Variants in RMND1 observed in about 807,000 individuals in gnomAD.
RMND1 encodes required for meiotic nuclear division protein 1 homolog.
In RMND1, 41 loss-of-function variants were observed where a neutral mutation model predicts 54.0. That is an observed-to-expected ratio of 0.76 (90% CI 0.59 to 0.98). RMND1 has a LOEUF of 0.98. Among genes scored for constraint, RMND1 ranks in the 50% least tolerant of loss-of-function variants. The pLI is 0.00. For synonymous variants in RMND1, 183 were observed against 181.7 expected, an observed-to-expected ratio of 1.01 and a Z score of -0.06; for missense variants, 457 against 532.0, an observed-to-expected ratio of 0.86 and a Z score of 1.39.
chr6:151,432,638 C>T (rs1344445277), intron 4 of RMND1, among the ~76,000 whole-genome samples: 1 of 152,110 alleles, frequency 6.6e-6, no homozygotes, highest in Non-Finnish European at 1.5e-5. Context: ...CATTCCCAGG[C>T]AGCTACTGTG....
At chr6:151,432,859 G>A (rs771449063) in intron 4 of RMND1, among the ~76,000 whole-genome samples, 8 of 152,024 alleles carry the variant, frequency 5.3e-5, no homozygotes, top group Non-Finnish European at 1.2e-4. Context: ...AAGATGAATG[G>A]GAAATTGGCT....
chr6:151,432,073 T>A (rs1780464123), intron 4 of RMND1, among the ~76,000 whole-genome samples: 1 of 152,004 alleles, frequency 6.6e-6, no homozygotes, highest in South Asian at 2.1e-4. Context: ...GTAGCTGGGA[T>A]TACAGGCACC....
intron 2 of RMND1, among the ~76,000 whole-genome samples, chr6:151,442,010 A>G (rs1023792331): frequency 2.0e-5 from 3 of 152,202 alleles, no homozygotes; most frequent in East Asian, 1.9e-4. Context: ...ATTGAACTGA[A>G]TTGCAGGACA....
intron 1 of RMND1, among the ~76,000 whole-genome samples, chr6:151,450,708 C>T (rs1781144208): frequency 2.0e-5 from 3 of 151,828 alleles, no homozygotes. Context: ...GTGTACTCAA[C>T]AGCTCATTGA....
At chr6:151,419,718 A>T (rs1006993901) in intron 9 of RMND1, among the ~76,000 whole-genome samples, 26 of 147,840 alleles carry the variant, frequency 1.8e-4, no homozygotes, top group Non-Finnish European at 3.2e-4. Context: ...GTTCACGATT[A>T]AAAAAAAAAG....
At position 151,422,583 on chromosome 6, in the gene RMND1, T is replaced by C. The variant is rs754555697; in HGVS notation, c.960A>G (p.Ala320=). The change falls in exon 8 of 12, where the codon GCA becomes GCG. Residue 320 remains alanine (A), a synonymous_variant. Coordinates refer to ENST00000444024, the MANE Select transcript of RMND1 (RefSeq NM_017909.4). ...TAGATTCAATAAATTTATCCAGTGA[T>C]GCTTCCCAAATTGCCAGTTTTACTG... ...CLSVKLAIWE[A]SLDKFIESIQ... 1 of 1,542,734 alleles carries C rather than the reference T, an allele frequency of 6.5e-7. No homozygotes were observed. Among genetic ancestry groups the C allele is most frequent in the Admixed American group, 1.9e-5 (1 of 53,530 alleles).
intron 2 of RMND1, among the ~76,000 whole-genome samples, chr6:151,442,091 C>T (rs79770495): frequency 0.017 from 2,584 of 152,214 alleles, 74 homozygotes; most frequent in African/African-American, 0.059. Context: ...TATTTGATGT[C>T]AGAAGTACTG....
chr6:151,417,252 C>G, intron 10 of RMND1, 27 bp downstream of exon 10: 1 of 1,581,406 alleles, frequency 6.3e-7, no homozygotes, highest in Non-Finnish European at 8.6e-7. Flanking sequence ...GTGTCTTTTT[C>G]TCTCATTAGA....
intron 2 of RMND1, among the ~76,000 whole-genome samples, chr6:151,439,907 G>A (rs1379215949): frequency 2.0e-5 from 3 of 151,056 alleles, no homozygotes; most frequent in South Asian, 2.1e-4. Flanking sequence ...TGATCCTCCC[G>A]CCTCGGCCTC....
At chr6:151,442,468 C>T (rs1216348577) in intron 2 of RMND1, among the ~76,000 whole-genome samples, 5 of 152,156 alleles carry the variant, frequency 3.3e-5, no homozygotes, top group Admixed American at 6.5e-5. Flanking sequence ...TCAGACCTGC[C>T]GTTCCCATCC....
intron 10 of RMND1, chr6:151,412,030 C>G (rs1214622181): frequency 6.6e-6 from 1 of 151,604 alleles, no homozygotes; most frequent in Non-Finnish European, 1.5e-5. Flanking sequence ...CTTTTTTTTT[C>G]TTGAGACGAA....
intron 10 of RMND1, among the ~76,000 whole-genome samples, chr6:151,413,487 G>A (rs1490028569): frequency 6.6e-6 from 1 of 152,158 alleles, no homozygotes; most frequent in Non-Finnish European, 1.5e-5. Flanking sequence ...TGACCTGCCT[G>A]CCTTGGCCTA....
chr6:151,427,372 T>C (rs1331762198), intron 6 of RMND1, 110 bp downstream of exon 6: 3 of 588,134 alleles, frequency 5.1e-6, no homozygotes, highest in South Asian at 3.9e-5. Context: ...TGAGACTCCG[T>C]CTCAAAAAAA....
In RMND1 at chr6:151,405,075, G is replaced by C; in HGVS notation, c.*160C>G. On this transcript the variant is annotated 3_prime_UTR_variant, in exon 12 of 12. Transcript: ENST00000444024. Reference sequence around the variant, plus strand: ...GTAGAGATGGGGTTTCACCATGTTGGCCAGGCTTGTCTTGAGCTCCTGATC... The same window carrying C: ...GTAGAGATGGGGTTTCACCATGTTGCCCAGGCTTGTCTTGAGCTCCTGATC... The C allele has an allele frequency of 1.7e-6, 1 of 580,088 alleles. No homozygotes were observed. The highest frequency in any genetic ancestry group is 2.0e-5 in the African/African-American group (1 of 51,164). The allele number at this position is 580,088 out of a possible 1,614,324, so 35.9% of individuals were successfully genotyped here.
rs780390650 is a variant in RMND1 at position 151,436,549 on chromosome 6, T to A, written c.510A>T (p.Leu170=). 6.2e-7 allele frequency: 1 copy of A among 1,613,710 alleles called. No individual in the cohort carries two copies. Among genetic ancestry groups the A allele is most frequent in the Non-Finnish European group, 8.5e-7 (1 of 1,179,716 alleles). ...CCGTTGCAAATGCTGTGCAGTGCAT[T>A]AGGTCCTGTTCCAGGGAAATGAGCA... The part of the protein sequence containing the change: ...NLPVLSVNED[L]MHCTAFATAD... The change falls in exon 3 of 12, where the codon CTA becomes CTT. Residue 170 remains leucine, a synonymous_variant. Transcript: ENST00000444024.
At chr6:151,415,281 C>CT (rs61504956) in intron 10 of RMND1, among the ~76,000 whole-genome samples, 15,250 of 146,054 alleles carry the variant, frequency 0.1, 2,271 homozygotes, top group African/African-American at 0.34. Context: ...AATAAGAATT[C>CT]TTTTTTTTTT....
chr6:151,446,640 C>T (rs1295409008), intron 1 of RMND1, among the ~76,000 whole-genome samples: 4 of 152,002 alleles, frequency 2.6e-5, no homozygotes, highest in Non-Finnish European at 5.9e-5. Flanking sequence ...TGGTGGCTCA[C>T]GCCTGTAATC....
chr6:151,410,262 A>G lies in RMND1; in HGVS notation c.1201-4426T>C, dbSNP rs140574606. Among the ~76,000 whole-genome samples, 1,370 of 152,120 alleles carry G rather than the reference A, an allele frequency of 9.0e-3. 24 individuals are homozygous for G. Among genetic ancestry groups the G allele is most frequent in the East Asian group, 0.049 (254 of 5,152 alleles). ...AGTAGAGACGGGGTCTCACCATGTT[A>G]GCCAGGATGGTCTGGATCTCCTGAC... On this transcript the variant is annotated intron_variant, in intron 10 of 11. Transcript: ENST00000444024.
chr6:151,419,832 T>C (rs9371518), intron 9 of RMND1, among the ~76,000 whole-genome samples: 47,165 of 151,958 alleles, frequency 0.31, 7,849 homozygotes, highest in East Asian at 0.72. Context: ...AGAGACACTT[T>C]GCTGTGTACT....
Sources: gnomAD v4.1 joint callset for allele counts (sites outside exome capture counted in the v4.1 genomes callset) on GRCh38, gnomAD v4.1.1 for gene constraint, MANE v1.5 for transcripts, NCBI Gene and HGNC (gene_info 2026-07-23, HGNC 2026-07-21) for gene names.